FAM135B: variants seen among roughly 807,000 people sequenced by gnomAD.
The protein encoded by FAM135B is family with sequence similarity 135 member B, also known as protein FAM135B.
In FAM135B, 43 loss-of-function variants were observed where a neutral mutation model predicts 127.7. The observed-to-expected ratio is 0.34, with a 90% CI of 0.26 to 0.43. The LOEUF (loss-of-function observed/expected upper bound fraction) is 0.43. Ranked by LOEUF, FAM135B falls within the 20% of genes least tolerant of loss-of-function variation. The pLI, the probability that FAM135B is intolerant of heterozygous loss-of-function variation, is 1.00. For missense variants in FAM135B, 1,558 were observed against 1,725.6 expected, an observed-to-expected ratio of 0.90 and a Z score of 1.72; for synonymous variants, 670 against 665.1, an observed-to-expected ratio of 1.01 and a Z score of -0.11.
Position 138,415,239 on chromosome 8 carries a change from G to T in FAM135B, c.-19-47237C>A, listed in dbSNP as rs542820068. On this transcript the variant is annotated intron_variant, in intron 1 of 19. Transcript: ENST00000395297. ...GCCTGGAGATTAGAATAAAAATGAG[G>T]TTCAACTACAAAAAACAGCTCCATT... Among the ~76,000 whole-genome samples the T allele has an allele frequency of 3.0e-4, 46 of 152,270 alleles. 2 individuals carry two copies. The South Asian group carries it at 9.5e-3, about 32-fold the overall frequency.
At chr8:138,229,631 A>C (rs12675863) in intron 7 of FAM135B, among the ~76,000 whole-genome samples, 30,051 of 152,080 alleles carry the variant, frequency 0.2, 3,239 homozygotes, top group South Asian at 0.44. Context: ...TGATGCTGCC[A>C]CCTTTAACAC....
rs1474597620 is a variant in FAM135B, at chr8:138,141,885, CA to C, written c.3639-537del. ...ACTGCTACTCACAGGCCCACGTGTT[CA>C]ATGAATCATTATTCTCAAGTTAAAT... On this transcript the variant is annotated intron_variant, in intron 16 of 19. Coordinates refer to ENST00000395297, the MANE Select transcript of FAM135B (RefSeq NM_015912.4). This position sits in a 1 kb window ranked among gnomAD's most constrained non-coding sequence, Gnocchi z 4.7. 6.6e-6 allele frequency among the ~76,000 whole-genome samples: 1 copy of C among 152,132 alleles called. No individual in the cohort carries two copies. Among genetic ancestry groups the C allele is most frequent in the African/African-American group, 2.4e-5 (1 of 41,416 alleles).
chr8:138,339,520 G>T (rs9324485), intron 2 of FAM135B, among the ~76,000 whole-genome samples: 135,390 of 151,978 alleles, frequency 0.89, 61,637 homozygotes, highest in Non-Finnish European at 0.98. Flanking sequence ...AGTGACACCT[G>T]CCATTTCTAC....
chr8:138,382,240 G>C (rs566197003), intron 1 of FAM135B, among the ~76,000 whole-genome samples: 1 of 152,250 alleles, frequency 6.6e-6, no homozygotes, highest in South Asian at 2.1e-4. Flanking sequence ...ATCAAGATAC[G>C]GAGGGCCTTA....
intron 3 of FAM135B, among the ~76,000 whole-genome samples, chr8:138,278,930 C>T (rs1824054056): frequency 6.6e-6 from 1 of 152,118 alleles, no homozygotes; most frequent in Admixed American, 6.5e-5. Flanking sequence ...GTTTTAATTA[C>T]TTCCTTGACT....
chr8:138,152,696 G>A lies in FAM135B; in HGVS notation c.1779C>T (p.Ser593=), dbSNP rs2130778617. 1.2e-6 allele frequency: 2 copies of A among 1,614,126 alleles called. No homozygotes were observed. Among genetic ancestry groups the A allele is most frequent in the Non-Finnish European group, 1.7e-6 (2 of 1,180,028 alleles). The change falls in exon 13 of 20, where the codon AGC becomes AGT. Residue 593 remains serine, a synonymous_variant. Coordinates refer to ENST00000395297, the MANE Select transcript of FAM135B (RefSeq NM_015912.4). ...GGTGGCTTCCACCTACTACCACTTTGCTTAGCCCAGTCCTGTCTAATCCAT... is the reference window on the plus strand; with the variant it reads ...GGTGGCTTCCACCTACTACCACTTTACTTAGCCCAGTCCTGTCTAATCCAT... ...DKYGLDRTGL[S]KVVVGGSHQN...
intron 1 of FAM135B, among the ~76,000 whole-genome samples, chr8:138,487,640 T>C (rs7008827): frequency 0.93 from 119,130 of 128,346 alleles, 55,660 homozygotes; most frequent in East Asian, 0.99. Context: ...TGTGTGGGGG[T>C]GGGGGCGGGG....
In FAM135B at chr8:138,215,633, A is replaced by C. The variant is rs1045734160; in HGVS notation, c.670-17964T>G. Among the ~76,000 whole-genome samples the C allele has an allele frequency of 1.3e-4, 20 of 152,238 alleles. 2 individuals are homozygous for C. Among genetic ancestry groups the C allele is most frequent in the Admixed American group, 1.2e-3 (18 of 15,284 alleles). On this transcript the variant is annotated intron_variant, in intron 7 of 19. Transcript: ENST00000395297. ...GAGGCGTTATCAGAAATATTAAATG[A>C]AACAAGAGGATGAAAGTGCTTTGGC...
At chr8:138,157,023 T>A (rs62533565) in intron 12 of FAM135B, among the ~76,000 whole-genome samples, 23,943 of 152,132 alleles carry the variant, frequency 0.16, 2,299 homozygotes, top group African/African-American at 0.26. Context: ...ATATTCCTGA[T>A]AAACATCAAT....
chr8:138,262,903 G>GCAAAAAA (rs1409817090), intron 4 of FAM135B, among the ~76,000 whole-genome samples: 1 of 95,368 alleles, frequency 1.0e-5, no homozygotes. Flanking sequence ...CTCTGTCTCA[G>GCAAAAAA]AAAAAAAAAA....
intron 3 of FAM135B, among the ~76,000 whole-genome samples, chr8:138,285,574 G>A (rs969304924): frequency 6.6e-6 from 1 of 152,184 alleles, no homozygotes; most frequent in African/African-American, 2.4e-5. Context: ...ACAGTGCCCA[G>A]TGCATTCAGT....
At chr8:138,353,088 T>C (rs560919566) in intron 2 of FAM135B, among the ~76,000 whole-genome samples, 23 of 152,176 alleles carry the variant, frequency 1.5e-4, no homozygotes, top group Non-Finnish European at 2.9e-4. Flanking sequence ...ATCACTCCCC[T>C]ACTTGAAACA....
chr8:138,353,576 T>C (rs529070292), intron 2 of FAM135B, among the ~76,000 whole-genome samples: 1 of 152,328 alleles, frequency 6.6e-6, no homozygotes, highest in East Asian at 1.9e-4. Context: ...CTTTAGAGTC[T>C]GGTCTTACCA....
chr8:138,449,678 A>G (rs1836386744), intron 1 of FAM135B, among the ~76,000 whole-genome samples: 2 of 152,134 alleles, frequency 1.3e-5, no homozygotes, highest in South Asian at 4.2e-4. Context: ...AAACAGCTTT[A>G]GGATCACAGA....
At chr8:138,403,367 C>A (rs1015893574) in intron 1 of FAM135B, among the ~76,000 whole-genome samples, 1 of 152,008 alleles carries the variant, frequency 6.6e-6, no homozygotes, top group Non-Finnish European at 1.5e-5. Flanking sequence ...CCTTGGAGAA[C>A]AACCCGGATA....
rs571108883 is a variant in FAM135B, at chr8:138,335,685, T to C, written c.78-24765A>G. 3.9e-5 allele frequency among the ~76,000 whole-genome samples: 6 copies of C among 152,208 alleles called. No individual in the cohort carries two copies. The East Asian group carries it at 9.7e-4, about 25-fold the overall frequency. On this transcript the variant is annotated intron_variant, in intron 2 of 19. Transcript: ENST00000395297. ...GACTTTAACACCCCACTGTCAACAT[T>C]AGACAGTTCAACGAGACAGAAAGTT...
intron 3 of FAM135B, among the ~76,000 whole-genome samples, chr8:138,298,337 G>A (rs1235293910): frequency 1.3e-5 from 2 of 152,132 alleles, no homozygotes; most frequent in Non-Finnish European, 2.9e-5. Flanking sequence ...GTATCAACAA[G>A]TGAAACAGAC....
At position 138,151,239 on chromosome 8, in the gene FAM135B, G is replaced by A. The variant is rs1818115502; in HGVS notation, c.3236C>T (p.Thr1079Ile). ...TTCCTCATCCAACGTGCTGGAATGGGTAGAAACAACTCCAAAGGATCCCAA... is the reference window on the plus strand; with the variant it reads ...TTCCTCATCCAACGTGCTGGAATGGATAGAAACAACTCCAAAGGATCCCAA... ...QPLGSFGVVS[T>I]HSSTLDEEVS... Residue 1079 changes from threonine to isoleucine, a missense_variant, in exon 13 of 20, where the codon ACC (threonine) becomes ATC (isoleucine). Transcript: ENST00000395297. 2 of 1,598,848 alleles carry A rather than the reference G, an allele frequency of 1.3e-6. No individual in the cohort carries two copies. The highest frequency in any genetic ancestry group is 2.7e-5 in the African/African-American group (2 of 74,314).
chr8:138,449,376 A>G (rs1234083222), intron 1 of FAM135B, among the ~76,000 whole-genome samples: 1 of 152,254 alleles, frequency 6.6e-6, no homozygotes, highest in South Asian at 2.1e-4. Context: ...GGAGTGTTCC[A>G]GAGAGAGGAG....
Sources: allele counts gnomAD v4.1 joint callset (sites outside exome capture counted in the v4.1 genomes callset), GRCh38; gene constraint gnomAD v4.1.1; non-coding constraint Gnocchi (gnomAD v3.1); transcripts MANE v1.5; gene names NCBI Gene and HGNC (gene_info 2026-07-23, HGNC 2026-07-21).